SND1: variants seen among roughly 807,000 people sequenced by gnomAD.
SND1 encodes staphylococcal nuclease and tudor domain containing 1.
A neutral mutation model predicts 121.7 loss-of-function variants in SND1; 38 were observed. The ratio of observed to expected loss-of-function variants is 0.31; its 90% confidence interval spans 0.24 to 0.41. The LOEUF (loss-of-function observed/expected upper bound fraction) is 0.41, where lower values mean the gene tolerates loss of function less well. Ranked by LOEUF, SND1 falls within the 10% of genes least tolerant of loss-of-function variation. SND1 has a pLI of 1.00. For synonymous variants in SND1, 401 were observed against 447.4 expected, an observed-to-expected ratio of 0.90 and a Z score of 1.31; for missense variants, 868 against 1,184.6, an observed-to-expected ratio of 0.73 and a Z score of 3.92.
intron 8 of SND1, 96 bp from the exon 9 acceptor site, chr7:127,707,460 AG>A (rs1284247860): frequency 2.1e-5 from 18 of 855,338 alleles, no homozygotes; most frequent in Non-Finnish European, 3.4e-5. Flanking sequence ...ATACATCTAT[AG>A]GGTAGAGTAG....
chr7:127,884,787 C>A (rs1799862647), intron 12 of SND1, among the ~76,000 whole-genome samples: 1 of 152,272 alleles, frequency 6.6e-6, no homozygotes, highest in South Asian at 2.1e-4. Flanking sequence ...CCTGAACCAA[C>A]ATACCATGAG....
chr7:127,803,240 T>C (rs932635361), intron 10 of SND1, among the ~76,000 whole-genome samples: 1 of 152,204 alleles, frequency 6.6e-6, no homozygotes. Context: ...CTTTGAGTTT[T>C]TGATAAAATC....
intron 15 of SND1, among the ~76,000 whole-genome samples, chr7:127,968,182 T>C (rs1563073691): frequency 1.3e-5 from 2 of 152,222 alleles, no homozygotes; most frequent in Admixed American, 1.3e-4. Flanking sequence ...ACAATGTTGC[T>C]TTTTTTCAAA....
At chr7:127,660,053 A>G (rs1319040451) in intron 1 of SND1, among the ~76,000 whole-genome samples, 1 of 145,232 alleles carries the variant, frequency 6.9e-6, no homozygotes, top group Non-Finnish European at 1.5e-5. Flanking sequence ...AAAGAAGATT[A>G]GTGGAAATAT....
chr7:128,036,150 G>A lies in SND1; in HGVS notation c.1780-38352G>A, dbSNP rs145013706. 2.7e-3 allele frequency among the ~76,000 whole-genome samples: 413 copies of A among 152,292 alleles called. 2 individuals carry two copies. Among genetic ancestry groups the A allele is most frequent in the Non-Finnish European group, 5.3e-3 (360 of 68,012 alleles). On this transcript the variant is annotated intron_variant, in intron 16 of 23. Transcript: ENST00000354725. ...GTGAATCAGTAATAATAAAAAGTAG[G>A]AATGGTCTACATGGAAATAGTCACT...
chr7:128,084,020 AG>A (rs1430779182), intron 18 of SND1, among the ~76,000 whole-genome samples: 1 of 152,182 alleles, frequency 6.6e-6, no homozygotes, highest in Non-Finnish European at 1.5e-5. Flanking sequence ...CCTGTGGCGC[AG>A]GGGCCCTGAG....
chr7:128,010,137 C>A (rs1803083745), intron 16 of SND1, among the ~76,000 whole-genome samples: 1 of 152,246 alleles, frequency 6.6e-6, no homozygotes, highest in Non-Finnish European at 1.5e-5. Context: ...ACGCTCCTGA[C>A]AGTCTTTGGT....
At chr7:127,758,773 G>T (rs1229574568) in intron 10 of SND1, among the ~76,000 whole-genome samples, 1 of 152,156 alleles carries the variant, frequency 6.6e-6, no homozygotes, top group Non-Finnish European at 1.5e-5. Context: ...AAAGTAGCAG[G>T]CTAGGCACGG....
chr7:127,952,610 T>G (rs1801486438), intron 15 of SND1, among the ~76,000 whole-genome samples: 1 of 152,218 alleles, frequency 6.6e-6, no homozygotes, highest in Admixed American at 6.5e-5. Flanking sequence ...GGAAAGCAGC[T>G]GTGTTCGATT....
At chr7:127,703,048 G>A (rs1796130342) in intron 6 of SND1, 117 bp from the exon 7 acceptor site, 3 of 1,091,066 alleles carry the variant, frequency 2.7e-6, no homozygotes, top group Non-Finnish European at 4.1e-6. Flanking sequence ...ACTGATTTAA[G>A]ACCTTCCTGA....
intron 19 of SND1, 115 bp downstream of exon 19, chr7:128,084,962 C>A: frequency 9.3e-7 from 1 of 1,070,750 alleles, no homozygotes; most frequent in East Asian, 2.9e-5. Flanking sequence ...AATGATGGCC[C>A]CTAGCAGCTC....
chr7:127,805,018 T>C (rs1000064341), intron 10 of SND1, among the ~76,000 whole-genome samples: 1 of 152,192 alleles, frequency 6.6e-6, no homozygotes, highest in African/African-American at 2.4e-5. Context: ...TGGTATCTTC[T>C]GTCTGGCAAG....
intron 12 of SND1, among the ~76,000 whole-genome samples, chr7:127,861,842 G>T (rs768401907): frequency 3.9e-5 from 6 of 152,208 alleles, no homozygotes; most frequent in Non-Finnish European, 8.8e-5. Flanking sequence ...TGGAGGCCGT[G>T]ATTTTCACAT....
intron 12 of SND1, among the ~76,000 whole-genome samples, chr7:127,880,150 C>T (rs748075945): frequency 1.3e-5 from 2 of 152,186 alleles, no homozygotes; most frequent in Admixed American, 6.5e-5. Flanking sequence ...TCGCTTTCTC[C>T]ACTGTATCCA....
chr7:127,811,818 T>C lies in SND1; in HGVS notation c.1242+4245T>C, dbSNP rs141693998. Among the ~76,000 whole-genome samples the C allele has an allele frequency of 5.3e-5, 8 of 152,378 alleles. No individual in the cohort carries two copies. In the East Asian group the frequency reaches 1.5e-3, roughly 29 times the overall value. ...TATTCTAAATGTCTAAGCAGAGTTT[T>C]GGAGATGTGGCTCATTTGTAATTTG... On this transcript the variant is annotated intron_variant, in intron 11 of 23. Transcript: ENST00000354725.
chr7:127,884,008 A>G (rs147762296), intron 12 of SND1, among the ~76,000 whole-genome samples: 6 of 152,268 alleles, frequency 3.9e-5, no homozygotes, highest in African/African-American at 9.6e-5. Context: ...TTTGAACTAC[A>G]TAGTTTTCAC....
intron 14 of SND1, among the ~76,000 whole-genome samples, chr7:127,909,610 A>G (rs920928486): frequency 6.6e-6 from 1 of 152,136 alleles, no homozygotes; most frequent in South Asian, 2.1e-4. Context: ...GGTGCACACC[A>G]TCACACCCAC....
At chr7:127,857,928 A>C (rs1799311821) in intron 12 of SND1, 3 of 1,358,602 alleles carry the variant, frequency 2.2e-6, no homozygotes, top group Admixed American at 1.7e-5. Flanking sequence ...AGTAAACACC[A>C]TCAGGAAAGT....
At chr7:127,724,133 C>G (rs1388595387) in intron 10 of SND1, among the ~76,000 whole-genome samples, 1 of 152,110 alleles carries the variant, frequency 6.6e-6, no homozygotes, top group East Asian at 1.9e-4. Context: ...GGGGGTGCAG[C>G]AGGGAATAAA....
Sources: allele counts gnomAD v4.1 joint callset (sites outside exome capture counted in the v4.1 genomes callset), GRCh38; gene constraint gnomAD v4.1.1; transcripts MANE v1.5; gene names NCBI Gene and HGNC (gene_info 2026-07-23, HGNC 2026-07-21).